Variants in KIF16B observed in about 807,000 individuals in gnomAD.
KIF16B encodes the protein kinesin family member 16B.
A neutral mutation model predicts 156.3 loss-of-function variants in KIF16B; 98 were observed. That is an observed-to-expected ratio of 0.63 (90% CI 0.53 to 0.74). The LOEUF (loss-of-function observed/expected upper bound fraction) is 0.74, where lower values mean the gene tolerates loss of function less well. Ranked by LOEUF, KIF16B falls within the 30% of genes least tolerant of loss-of-function variation. The pLI, the probability that KIF16B is intolerant of heterozygous loss-of-function variation, is 0.00. For synonymous variants in KIF16B, 564 were observed against 583.7 expected (o/e 0.97, Z 0.49); for missense variants, 1,421 against 1,606.5 (o/e 0.88, Z 1.97).
At chr20:16,471,095 C>G (rs1038378844) in intron 12 of KIF16B, among the ~76,000 whole-genome samples, 3 of 152,104 alleles carry the variant, frequency 2.0e-5, no homozygotes, top group Admixed American at 6.5e-5. Flanking sequence ...AGGTTTTGAA[C>G]AGAGAGAGCT....
intron 2 of KIF16B, among the ~76,000 whole-genome samples, chr20:16,527,652 C>CT: frequency 6.6e-6 from 1 of 152,326 alleles, no homozygotes; most frequent in South Asian, 2.1e-4. Context: ...ACAGGGCTCA[C>CT]TGTAGCCTTG....
chr20:16,521,111 C>A (rs2069334192), intron 3 of KIF16B, among the ~76,000 whole-genome samples: 1 of 152,036 alleles, frequency 6.6e-6, no homozygotes, highest in Non-Finnish European at 1.5e-5. Flanking sequence ...CGACTCCTCT[C>A]CTCCAAAGAA....
At chr20:16,527,573 T>C (rs1223638079) in intron 2 of KIF16B, among the ~76,000 whole-genome samples, 3 of 152,180 alleles carry the variant, frequency 2.0e-5, no homozygotes, top group Admixed American at 1.3e-4. Context: ...TTTTTTGTTG[T>C]TGTTTTTTTG....
chr20:16,505,168 G>A (rs901848248), intron 9 of KIF16B, among the ~76,000 whole-genome samples: 1 of 152,164 alleles, frequency 6.6e-6, no homozygotes, highest in Non-Finnish European at 1.5e-5. Context: ...GAGAGGAAGA[G>A]GGAGGGGAAA....
Position 16,406,298 on chromosome 20 carries a change from G to A in KIF16B, c.1695+76C>T, listed in dbSNP as rs1201469838. 3.2e-6 allele frequency: 4 copies of A among 1,247,266 alleles called. No individual in the cohort carries two copies. The East Asian group carries it at 9.3e-5, about 29-fold the overall frequency. The allele number at this position is 1,247,266 out of a possible 1,614,324, so 77.3% of individuals were successfully genotyped here. ...CTGCACCCCAGAAAGTCAAAAGATT[G>A]GAACCAGAGTGACCACCACCCACTC... On this transcript the variant is annotated intron_variant, in intron 16 of 25. Coordinates refer to ENST00000354981, the MANE Select transcript of KIF16B (RefSeq NM_024704.5).
intron 12 of KIF16B, among the ~76,000 whole-genome samples, chr20:16,434,641 T>C (rs971307112): frequency 2.0e-5 from 3 of 152,186 alleles, no homozygotes; most frequent in African/African-American, 7.2e-5. Context: ...TCACAGAGTA[T>C]GTTAGGTGAA....
In KIF16B at chr20:16,312,366, C is replaced by G; in HGVS notation, c.3764G>C (p.Arg1255Pro). Residue 1255 changes from arginine to proline, a missense_variant, in exon 25 of 26, where the codon CGT (arginine) becomes CCT (proline). Transcript: ENST00000354981. ...PKKLFGNKDE[R>P]VIAERRSHLE... Reference sequence around the variant, plus strand: ...GTGACTTCGTCTCTCAGCAATCACACGTTCATCCTTATTTCCAAATAGTTT... The same window carrying G: ...GTGACTTCGTCTCTCAGCAATCACAGGTTCATCCTTATTTCCAAATAGTTT... The G allele has an allele frequency of 3.1e-6, 5 of 1,613,544 alleles. No individual in the cohort carries two copies. Among genetic ancestry groups the G allele is most frequent in the Non-Finnish European group, 4.2e-6 (5 of 1,179,744 alleles).
At chr20:16,385,392 G>A (rs992096005) in intron 17 of KIF16B, among the ~76,000 whole-genome samples, 5 of 152,074 alleles carry the variant, frequency 3.3e-5, no homozygotes, top group Admixed American at 2.6e-4. Context: ...GATGACCCTC[G>A]GGTTTCTGTC....
At chr20:16,532,523 A>G (rs112415823) in intron 1 of KIF16B, among the ~76,000 whole-genome samples, 6 of 152,310 alleles carry the variant, frequency 3.9e-5, no homozygotes, top group Non-Finnish European at 8.8e-5. Flanking sequence ...ATGTGGCTAC[A>G]AAACAAATAC....
chr20:16,452,954 T>C (rs1050426213), intron 12 of KIF16B, among the ~76,000 whole-genome samples: 3 of 151,954 alleles, frequency 2.0e-5, no homozygotes, highest in Non-Finnish European at 4.4e-5. Context: ...AATCTGTAAA[T>C]ACACATGTGT....
chr20:16,506,940 TAA>T (rs11323785), intron 7 of KIF16B, among the ~76,000 whole-genome samples: 12 of 143,836 alleles, frequency 8.3e-5, no homozygotes, highest in African/African-American at 1.5e-4. Context: ...AGAAAAAACT[TAA>T]AAAAAAAAAA....
chr20:16,572,644 C>G (rs536682428), intron 1 of KIF16B, among the ~76,000 whole-genome samples: 5 of 152,374 alleles, frequency 3.3e-5, no homozygotes, highest in African/African-American at 9.6e-5. Flanking sequence ...CACTCTTCCT[C>G]TCTCTTAATA....
intron 25 of KIF16B, among the ~76,000 whole-genome samples, chr20:16,276,604 A>G (rs536213963): frequency 1.3e-5 from 2 of 152,340 alleles, no homozygotes; most frequent in Admixed American, 6.5e-5. Flanking sequence ...AAAGTGCTCT[A>G]AAGTCTGTTA....
chr20:16,312,274 C>T, intron 25 of KIF16B, 61 bp downstream of exon 25: 1 of 1,237,948 alleles, frequency 8.1e-7, no homozygotes, highest in East Asian at 2.4e-5. Context: ...AGAAACAATT[C>T]TTACCGGTCA....
intron 22 of KIF16B, chr20:16,367,349 G>A (rs2064693649): frequency 6.2e-7 from 1 of 1,612,894 alleles, no homozygotes; most frequent in African/African-American, 1.3e-5. Flanking sequence ...AAGAAGACTA[G>A]TTCTACTGTT....
intron 12 of KIF16B, among the ~76,000 whole-genome samples, chr20:16,476,906 G>A (rs764926797): frequency 3.3e-5 from 5 of 151,950 alleles, no homozygotes; most frequent in South Asian, 2.1e-4. Context: ...CTACAGGCGC[G>A]TGCCACCACA....
chr20:16,543,756 G>A (rs987426034), intron 1 of KIF16B, among the ~76,000 whole-genome samples: 9 of 152,190 alleles, frequency 5.9e-5, no homozygotes, highest in Non-Finnish European at 1.3e-4. Context: ...GAGGCTCAAG[G>A]AATGCAGCAC....
chr20:16,568,819 C>CAAA (rs57421025), intron 1 of KIF16B, among the ~76,000 whole-genome samples: 9 of 55,510 alleles, frequency 1.6e-4, no homozygotes, highest in South Asian at 8.5e-4. Context: ...GACCCTGTCT[C>CAAA]AAAAAAAAAA....
At chr20:16,419,576 T>C (rs2146365268) in intron 15 of KIF16B, among the ~76,000 whole-genome samples, 1 of 152,266 alleles carries the variant, frequency 6.6e-6, no homozygotes, top group South Asian at 2.1e-4. Flanking sequence ...CATTCAAATG[T>C]GCCCAAGTAT....
Sources: gnomAD v4.1 joint callset for allele counts (sites outside exome capture counted in the v4.1 genomes callset) on GRCh38, gnomAD v4.1.1 for gene constraint, MANE v1.5 for transcripts, NCBI Gene and HGNC (gene_info 2026-07-23, HGNC 2026-07-21) for gene names.